The following CHLSN variants were observed in gnomAD, a reference collection of about 807,000 sequenced individuals.
CHLSN encodes protein cholesin.
At chr7:1,068,229 C>T in the CHLSN span, among the ~76,000 whole-genome samples, 1 of 152,162 alleles carries the variant, frequency 6.6e-6, no homozygotes. Context: ...CACATGTCCC[C>T]AGTTTCCCCT....
At chr7:1,109,660 C>A in the CHLSN span, among the ~76,000 whole-genome samples, 4 of 152,054 alleles carry the variant, frequency 2.6e-5, no homozygotes, top group African/African-American at 9.7e-5. Context: ...TTCCCGCCCG[C>A]CGGGCCCTCC....
At chr7:1,093,617 C>G in the CHLSN span, 4 of 471,190 alleles carry the variant, frequency 8.5e-6, no homozygotes, top group Non-Finnish European at 1.3e-5. Context: ...TGGGACCGTG[C>G]GAGCTGCCGT....
At chr7:1,058,484 G>A in the CHLSN span, 2,914 of 780,122 alleles carry the variant, frequency 3.7e-3, 13 homozygotes, top group Non-Finnish European at 5.6e-3. Context: ...ACTGCTCCCC[G>A]GACCACATGG....
chr7:995,898 A>G, the CHLSN span, among the ~76,000 whole-genome samples: 39 of 152,308 alleles, frequency 2.6e-4, no homozygotes, highest in African/African-American at 7.2e-4. Context: ...ATGCTGGCCA[A>G]GGAAGAGCAA....
At chr7:1,008,798 G>A in the CHLSN span, among the ~76,000 whole-genome samples, 6 of 146,180 alleles carry the variant, frequency 4.1e-5, no homozygotes, top group Middle Eastern at 3.3e-3. Context: ...ATGTACACAC[G>A]TGTATACATG....
the CHLSN span, among the ~76,000 whole-genome samples, chr7:1,019,541 A>G: frequency 6.6e-6 from 1 of 152,240 alleles, no homozygotes; most frequent in African/African-American, 2.4e-5. Flanking sequence ...GGGCTTTTCA[A>G]AACAGTGAAG....
chr7:978,363 C>A, the CHLSN span, among the ~76,000 whole-genome samples: 2 of 152,092 alleles, frequency 1.3e-5, no homozygotes, highest in African/African-American at 4.8e-5. Flanking sequence ...ATAAAAAATA[C>A]AAAAATTAGC....
chr7:1,009,804 G>A, the CHLSN span: 3,501 of 700,684 alleles, frequency 5.0e-3, 80 homozygotes, highest in African/African-American at 0.055. Flanking sequence ...AAAGGGCAGC[G>A]GCGGCAGCAC....
the CHLSN span, among the ~76,000 whole-genome samples, chr7:1,105,103 T>G: frequency 6.6e-6 from 1 of 152,198 alleles, no homozygotes; most frequent in Non-Finnish European, 1.5e-5. Context: ...AAAATAGTTG[T>G]CATGAAGGAA....
the CHLSN span, among the ~76,000 whole-genome samples, chr7:1,120,002 A>G: frequency 6.6e-6 from 1 of 152,192 alleles, no homozygotes; most frequent in Non-Finnish European, 1.5e-5. Flanking sequence ...TCTAAAAAAT[A>G]TAAAAGAGAA....
At chr7:997,847 A>G in the CHLSN span, 3 of 1,226,978 alleles carry the variant, frequency 2.4e-6, no homozygotes, top group Non-Finnish European at 3.6e-6. Flanking sequence ...CGGGGCAGGG[A>G]GGGGCCGCTG....
the CHLSN span, among the ~76,000 whole-genome samples, chr7:1,127,084 A>G: frequency 6.6e-6 from 1 of 152,074 alleles, no homozygotes; most frequent in Non-Finnish European, 1.5e-5. Context: ...ATTTACTAAA[A>G]TCCTTCTTTG....
At chr7:1,136,552 A>T in the CHLSN span, among the ~76,000 whole-genome samples, 1 of 106,740 alleles carries the variant, frequency 9.4e-6, no homozygotes, top group Admixed American at 1.2e-4. Context: ...ACATATATAA[A>T]CATATATAAA....
At chr7:1,012,364 C>T in the CHLSN span, among the ~76,000 whole-genome samples, 1 of 152,252 alleles carries the variant, frequency 6.6e-6, no homozygotes, top group African/African-American at 2.4e-5. Flanking sequence ...GGGCGCTGGC[C>T]TGGGGTGGAT....
At chr7:1,098,822 T>C in the CHLSN span, among the ~76,000 whole-genome samples, 3 of 152,040 alleles carry the variant, frequency 2.0e-5, no homozygotes, top group Admixed American at 2.0e-4. Flanking sequence ...CTGCCGGGGC[T>C]GGGGTGAGCG....
the CHLSN span, among the ~76,000 whole-genome samples, chr7:994,126 C>T: frequency 6.6e-6 from 1 of 152,188 alleles, no homozygotes; most frequent in Non-Finnish European, 1.5e-5. Context: ...AAACAATGCT[C>T]CCTTTGATTA....
the CHLSN span, among the ~76,000 whole-genome samples, chr7:1,079,314 T>C: frequency 2.1e-4 from 32 of 152,362 alleles, no homozygotes; most frequent in East Asian, 5.4e-3. Context: ...GCTCGTCTGC[T>C]GTCCACCTCC....
chr7:991,458 G>A, the CHLSN span, among the ~76,000 whole-genome samples: 5 of 152,112 alleles, frequency 3.3e-5, no homozygotes, highest in East Asian at 1.9e-4. Flanking sequence ...GCCCATGGGC[G>A]TGGGCAGGGG....
chr7:1,127,687 G>C, the CHLSN span, among the ~76,000 whole-genome samples: 1 of 63,760 alleles, frequency 1.6e-5, no homozygotes, highest in African/African-American at 4.2e-5. Flanking sequence ...ACCCGGGCTG[G>C]AGTGCAGTGG....
Sources: allele counts gnomAD v4.1 joint callset (sites outside exome capture counted in the v4.1 genomes callset), GRCh38; gene constraint gnomAD v4.1.1; transcripts MANE v1.5; gene names NCBI Gene and HGNC (gene_info 2026-07-23, HGNC 2026-07-21).